GTF2IRD1: variants seen among roughly 807,000 people sequenced by gnomAD.
The protein encoded by GTF2IRD1 is GTF2I repeat domain containing 1.
In GTF2IRD1, 26 loss-of-function variants were observed where a neutral mutation model predicts 113.2. The ratio of observed to expected loss-of-function variants is 0.23; its 90% CI spans 0.17 to 0.32. The LOEUF (loss-of-function observed/expected upper bound fraction) is 0.32, where lower values mean the gene tolerates loss of function less well. Among genes scored for constraint, GTF2IRD1 ranks in the 10% least tolerant of loss-of-function variants. The pLI, the probability that GTF2IRD1 is intolerant of heterozygous loss-of-function variation, is 1.00. For missense variants in GTF2IRD1, 864 were observed against 1,280.8 expected, an observed-to-expected ratio of 0.67 and a Z score of 4.97; for synonymous variants, 484 against 529.1, an observed-to-expected ratio of 0.91 and a Z score of 1.17.
At position 74,559,780 on chromosome 7, in the gene GTF2IRD1, TTTC is replaced by T. The variant is rs200979446; in HGVS notation, c.2320+128_2320+130del. On this transcript the variant is annotated intron_variant, in intron 22 of 26. Transcript: ENST00000424337. ...TGGGAACAGAAGCCAGGCCCCTGCC[TTTC>T]TTTTTTTTTTTTCTGAGGCAGAGTC... 2.4e-3 allele frequency: 1,685 copies of T among 713,034 alleles called. 26 individuals carry two copies. In the East Asian group the frequency reaches 0.049, roughly 21 times the overall value. 44.2% of individuals were successfully genotyped at this position (713,034 alleles called of 1,614,324 possible).
chr7:74,576,450 A>C (rs1312816347), intron 22 of GTF2IRD1, among the ~76,000 whole-genome samples: 1 of 148,440 alleles, frequency 6.7e-6, no homozygotes, highest in African/African-American at 2.5e-5. Flanking sequence ...AATCCCAGCT[A>C]CTCGGGAGGC....
At chr7:74,547,519 C>A (rs1456539544) in intron 17 of GTF2IRD1, among the ~76,000 whole-genome samples, 2 of 147,198 alleles carry the variant, frequency 1.4e-5, no homozygotes, top group South Asian at 2.1e-4. Context: ...TGGCTCACTG[C>A]AACCTCCGCT....
chr7:74,492,756 C>G (rs1554337027), intron 1 of GTF2IRD1, among the ~76,000 whole-genome samples: 1 of 151,804 alleles, frequency 6.6e-6, no homozygotes, highest in African/African-American at 2.4e-5. Context: ...GTGCCATGCT[C>G]CCTCCAGAGG....
At chr7:74,469,009 C>T (rs1327907021) in intron 1 of GTF2IRD1, among the ~76,000 whole-genome samples, 1 of 150,958 alleles carries the variant, frequency 6.6e-6, no homozygotes, top group Admixed American at 6.6e-5. Context: ...GACGTGAACC[C>T]GGGAGGTGGA....
intron 8 of GTF2IRD1, among the ~76,000 whole-genome samples, chr7:74,524,444 G>A (rs1797477517): frequency 6.6e-6 from 1 of 152,314 alleles, no homozygotes; most frequent in East Asian, 1.9e-4. Flanking sequence ...CCATCTGGGG[G>A]CCGGGCGCAG....
intron 1 of GTF2IRD1, among the ~76,000 whole-genome samples, chr7:74,485,918 C>G (rs1794996143): frequency 6.6e-6 from 1 of 151,698 alleles, no homozygotes; most frequent in Admixed American, 6.6e-5. Context: ...AGAGTGAGAC[C>G]CTGTCTTTAA....
chr7:74,543,460 G>A (rs587706681), intron 14 of GTF2IRD1, among the ~76,000 whole-genome samples: 11 of 152,212 alleles, frequency 7.2e-5, no homozygotes, highest in South Asian at 2.1e-4. Flanking sequence ...GTGACAGAGC[G>A]AGACTCTGTC....
chr7:74,583,371 C>CTTTTTTTTTTT (rs1168890388), intron 22 of GTF2IRD1, among the ~76,000 whole-genome samples: 191 of 122,286 alleles, frequency 1.6e-3, no homozygotes, highest in South Asian at 2.1e-3. Flanking sequence ...CTTTTTTTTT[C>CTTTTTTTTTTT]TTTTTTTTTT....
chr7:74,540,081 A>T (rs1798547297), intron 14 of GTF2IRD1, 113 bp downstream of exon 14: 12 of 719,574 alleles, frequency 1.7e-5, no homozygotes, highest in Non-Finnish European at 2.4e-5. Context: ...CGTCTGTAGT[A>T]GAGGAAACCC....
At chr7:74,465,649 C>G (rs939859242) in intron 1 of GTF2IRD1, among the ~76,000 whole-genome samples, 1 of 152,130 alleles carries the variant, frequency 6.6e-6, no homozygotes, top group Non-Finnish European at 1.5e-5. Context: ...CTGTGGGAGC[C>G]CCACTCCCCC....
At chr7:74,515,325 T>C (rs1175756013) in intron 3 of GTF2IRD1, 116 bp from the exon 4 acceptor site, 2 of 1,526,128 alleles carry the variant, frequency 1.3e-6, no homozygotes, top group East Asian at 2.5e-5. Flanking sequence ...CATTCACTTG[T>C]GTATCACATT....
intron 22 of GTF2IRD1, among the ~76,000 whole-genome samples, chr7:74,589,023 G>A (rs782317321): frequency 4.6e-5 from 7 of 152,068 alleles, no homozygotes; most frequent in Non-Finnish European, 8.8e-5. Context: ...AGGTTGTTTT[G>A]TGCCCAACAC....
chr7:74,593,147 G>A (rs1451363380), intron 24 of GTF2IRD1, among the ~76,000 whole-genome samples: 1 of 151,902 alleles, frequency 6.6e-6, no homozygotes, highest in East Asian at 1.9e-4. Flanking sequence ...ATGAGCCACT[G>A]TGCCTGGCCT....
intron 22 of GTF2IRD1, among the ~76,000 whole-genome samples, chr7:74,580,112 C>T (rs1583945230): frequency 1.3e-5 from 2 of 152,124 alleles, no homozygotes; most frequent in African/African-American, 2.4e-5. Flanking sequence ...TAAACCTGTG[C>T]GCAGGCCCTA....
intron 14 of GTF2IRD1, among the ~76,000 whole-genome samples, chr7:74,543,886 A>AAAAAAAAAAAC (rs1562854688): frequency 4.7e-5 from 7 of 148,488 alleles, no homozygotes; most frequent in Non-Finnish European, 7.4e-5. Flanking sequence ...AAAAAAAAAA[A>AAAAAAAAAAAC]AAAAAAAAAA....
chr7:74,565,625 C>G (rs587756791), intron 22 of GTF2IRD1, among the ~76,000 whole-genome samples: 1 of 152,176 alleles, frequency 6.6e-6, no homozygotes, highest in East Asian at 1.9e-4. Context: ...AACCCTCTAC[C>G]CAGGTAGCTG....
At position 74,512,944 on chromosome 7, in the gene GTF2IRD1, C is replaced by G; in HGVS notation, c.238C>G (p.Leu80Val). ...AATGTTCCTGAATGCCCGGAAGGAG[C>G]TACAGTCAGACTTCCTCAGGTTCTG... ...GRMFLNARKELQSDFLRFCRG... is the reference protein window; with the variant it reads ...GRMFLNARKEVQSDFLRFCRG... Residue 80 changes from leucine (L) to valine (V), a missense_variant, in exon 3 of 27, where the codon CTA becomes GTA. Physicochemically the swap from Leu to Val is conservative, Grantham distance 32. This residue lies in a region of GTF2IRD1 where 182 missense variants were observed against 266.6 expected (regional missense o/e 0.68). Coordinates refer to ENST00000424337, the MANE Select transcript of GTF2IRD1 (RefSeq NM_005685.4). The surrounding 1 kb of genome is among the most constrained non-coding windows in gnomAD (Gnocchi z 4.4). The G allele has an allele frequency of 6.2e-7, 1 of 1,614,024 alleles. No homozygotes were observed. Among genetic ancestry groups the G allele is most frequent in the Non-Finnish European group, 8.5e-7 (1 of 1,179,976 alleles).
At chr7:74,576,232 T>C (rs942229932) in intron 22 of GTF2IRD1, among the ~76,000 whole-genome samples, 9 of 151,740 alleles carry the variant, frequency 5.9e-5, no homozygotes, top group African/African-American at 1.7e-4. Context: ...GTTTTGGAGA[T>C]CAGAAGTCTG....
intron 1 of GTF2IRD1, among the ~76,000 whole-genome samples, chr7:74,492,465 T>C (rs975122205): frequency 1.3e-5 from 2 of 152,148 alleles, no homozygotes; most frequent in Admixed American, 6.6e-5. Flanking sequence ...CCACCACGCC[T>C]GGCCCAGCAT....
Sources: allele counts gnomAD v4.1 joint callset (sites outside exome capture counted in the v4.1 genomes callset), GRCh38; gene constraint gnomAD v4.1.1; regional missense constraint gnomAD v4.1.1; non-coding constraint Gnocchi (gnomAD v3.1); transcripts MANE v1.5; gene names NCBI Gene and HGNC (gene_info 2026-07-23, HGNC 2026-07-21).